Variants in ADAMTS20 observed in about 807,000 individuals in gnomAD.
The protein encoded by ADAMTS20 is ADAM metallopeptidase with thrombospondin type 1 motif 20.
ADAMTS20 carries 225 observed loss-of-function variants against 260.1 expected under a neutral mutation model. That is an observed-to-expected ratio of 0.87 (90% confidence interval 0.78 to 0.97). The LOEUF is 0.97. Ranked by LOEUF, ADAMTS20 falls within the 50% of genes least tolerant of loss-of-function variation. ADAMTS20 has a pLI of 0.00. For synonymous variants in ADAMTS20, 802 were observed against 769.5 expected, an observed-to-expected ratio of 1.04 and a Z score of -0.70; for missense variants, 2,400 against 2,337.7, an observed-to-expected ratio of 1.03 and a Z score of -0.55.
intron 9 of ADAMTS20, 148 bp from the exon 10 acceptor site, chr12:43,464,880 G>A: frequency 1.2e-6 from 1 of 805,892 alleles, no homozygotes; most frequent in South Asian, 2.3e-5. Flanking sequence ...ATCAATATCA[G>A]TATAGCAATG....
In ADAMTS20 at chr12:43,551,078, G is replaced by GC; in HGVS notation, c.283dup (p.Ala95GlyfsTer62). The GC allele has an allele frequency of 6.2e-7, 1 of 1,613,890 alleles. No homozygotes were observed. The highest frequency in any genetic ancestry group is 8.5e-7 in the Non-Finnish European group (1 of 1,179,860). ...GCCGGCGGCCAGAAAGGATGCATCGGCGGTCAGGTTCAGCTGGAAGAGCTG... is the reference window on the plus strand; with the variant it reads ...GCCGGCGGCCAGAAAGGATGCATCGGCCGGTCAGGTTCAGCTGGAAGAGCTG... On this transcript the variant is annotated frameshift_variant, in exon 2 of 39. Transcript: ENST00000389420. LOFTEE classifies it high-confidence loss of function. This position sits in a 1 kb window ranked among gnomAD's most constrained non-coding sequence, Gnocchi z 4.6.
intron 2 of ADAMTS20, among the ~76,000 whole-genome samples, chr12:43,548,690 A>G (rs143999089): frequency 5.9e-5 from 9 of 152,268 alleles, no homozygotes; most frequent in Non-Finnish European, 1.2e-4. Flanking sequence ...AGTAATTTAG[A>G]CTTACAATTG....
At chr12:43,395,602 G>A (rs1006182155) in intron 29 of ADAMTS20, among the ~76,000 whole-genome samples, 1 of 151,092 alleles carries the variant, frequency 6.6e-6, no homozygotes, top group African/African-American at 2.4e-5. Flanking sequence ...AGAAAATGAT[G>A]GGTCTCAAAG....
chr12:43,469,255 A>G (rs10880504), intron 7 of ADAMTS20, among the ~76,000 whole-genome samples: 30,818 of 152,072 alleles, frequency 0.2, 3,459 homozygotes, highest in Middle Eastern at 0.31. Flanking sequence ...AGTTTATAAT[A>G]TAAGAATTAC....
intron 38 of ADAMTS20, among the ~76,000 whole-genome samples, chr12:43,355,356 G>T (rs1388690768): frequency 6.6e-6 from 1 of 152,144 alleles, no homozygotes; most frequent in Non-Finnish European, 1.5e-5. Flanking sequence ...TTACCAGTCA[G>T]TTTCACACCA....
chr12:43,405,238 A>C (rs1432363675), intron 28 of ADAMTS20, among the ~76,000 whole-genome samples: 1 of 124,284 alleles, frequency 8.0e-6, no homozygotes, highest in African/African-American at 2.9e-5. Flanking sequence ...ACAAAAAAAA[A>C]AAAAAAAAAA....
rs1177283960 is a variant in ADAMTS20, at chr12:43,440,004, C to CT, written c.2355dup (p.Glu786ArgfsTer12). The CT allele has an allele frequency of 1.3e-6, 2 of 1,580,208 alleles. No individual in the cohort carries two copies. Among genetic ancestry groups the CT allele is most frequent in the Non-Finnish European group, 1.7e-6 (2 of 1,161,290 alleles). On this transcript the variant is annotated frameshift_variant, in exon 17 of 39. Transcript: ENST00000389420. LOFTEE classifies it high-confidence loss of function. The stretch of plus-strand genomic sequence containing the variant: ...GTTCTTGTTCCTTGCACATTGATTT[C>CT]TTTTTTTGACGTACTTAGAAGAAAA...
intron 28 of ADAMTS20, among the ~76,000 whole-genome samples, chr12:43,410,635 G>A (rs1450586143): frequency 6.6e-6 from 1 of 152,198 alleles, no homozygotes; most frequent in Non-Finnish European, 1.5e-5. Context: ...AGCTGAATAA[G>A]CCTATTATTT....
intron 3 of ADAMTS20, among the ~76,000 whole-genome samples, chr12:43,526,304 A>C (rs1382669738): frequency 6.6e-6 from 1 of 152,102 alleles, no homozygotes; most frequent in Non-Finnish European, 1.5e-5. Flanking sequence ...AAATACAAAA[A>C]GAAATTAGCC....
chr12:43,394,272 A>G (rs958627352), intron 29 of ADAMTS20, among the ~76,000 whole-genome samples: 2 of 152,140 alleles, frequency 1.3e-5, no homozygotes, highest in Non-Finnish European at 2.9e-5. Context: ...AACACTAGAC[A>G]ACTGACAGCA....
chr12:43,427,314 C>T lies in ADAMTS20; in HGVS notation c.4101G>A (p.Trp1367Ter). 1 of 1,610,722 alleles carries T rather than the reference C, an allele frequency of 6.2e-7. No individual in the cohort carries two copies. The highest frequency in any genetic ancestry group is 1.7e-5 in the Admixed American group (1 of 59,086). Residue 1367 changes from tryptophan to a stop codon, truncating the protein, a stop_gained, in exon 27 of 39, where the codon TGG (tryptophan) becomes TGA (stop). Transcript: ENST00000389420. LOFTEE classifies it high-confidence loss of function. Reference protein sequence around the residue: ...GPCPQWNYGNWGECSQTCGGG... With the variant: ...GPCPQWNYGN ...AGAAAATATTATGACTTACTTCTCC[C>T]CAATTTCCGTAGTTCCACTGTGGAC...
chr12:43,535,306 C>T (rs115667763), intron 2 of ADAMTS20, among the ~76,000 whole-genome samples: 1 of 152,042 alleles, frequency 6.6e-6, no homozygotes, highest in African/African-American at 2.4e-5. Context: ...CTATTATTTC[C>T]TACCTTTGCA....
In ADAMTS20 at chr12:43,432,300, G is replaced by A. The variant is rs1186367779; in HGVS notation, c.3096+4C>T. ...TAGTTCCAAGCATCATGTGTTTAAT[G>A]TACCTCGCTCCATTCACTAGCAGCC... is the stretch of plus-strand genomic sequence containing the variant. On this transcript the variant is annotated splice_donor_region_variant and intron_variant, in intron 21 of 38. Transcript: ENST00000389420. 2 of 1,612,396 alleles carry A rather than the reference G, an allele frequency of 1.2e-6. No individual in the cohort carries two copies. The highest frequency in any genetic ancestry group is 1.7e-6 in the Non-Finnish European group (2 of 1,179,106).
At chr12:43,362,700 A>G (rs1351895285) in intron 37 of ADAMTS20, among the ~76,000 whole-genome samples, 1 of 152,114 alleles carries the variant, frequency 6.6e-6, no homozygotes, top group African/African-American at 2.4e-5. Context: ...CTTCTTCAAG[A>G]AGACATTTAT....
intron 3 of ADAMTS20, among the ~76,000 whole-genome samples, chr12:43,528,347 G>GAAAAAAAAAAAAAAAAAAA (rs1565583137): frequency 3.9e-3 from 9 of 2,308 alleles, no homozygotes; most frequent in Admixed American, 7.5e-3. Flanking sequence ...GCAATCCTAA[G>GAAAAAAAAAAAAAAAAAAA]CAAAAAAAAA....
chr12:43,376,816 C>T (rs1381628160), intron 32 of ADAMTS20, among the ~76,000 whole-genome samples, 163 bp from the exon 33 acceptor site: 1 of 152,108 alleles, frequency 6.6e-6, no homozygotes, highest in Non-Finnish European at 1.5e-5. Context: ...GGATAGTCGC[C>T]GGTGGGAAAA....
Position 43,532,100 on chromosome 12 carries a change from A to G in ADAMTS20, c.549T>C (p.His183=). 6.2e-7 allele frequency: 1 copy of G among 1,612,646 alleles called. No homozygotes were observed. Residue 183 remains histidine (H), a synonymous_variant, in exon 3 of 39, where the codon CAT becomes CAC. Transcript: ENST00000389420. The stretch of plus-strand genomic sequence containing the variant: ...TATTTAAGTCTTGTCTGTATATAAG[A>G]TGTGGCTTGTTGTGACCATCTTCAT... ...NEYEDGHNKP[H]LIYRQDLNNS... is the part of the protein sequence containing the mutation.
intron 3 of ADAMTS20, among the ~76,000 whole-genome samples, chr12:43,530,707 A>G (rs1943209153): frequency 6.6e-6 from 1 of 152,114 alleles, no homozygotes; most frequent in Middle Eastern, 3.2e-3. Context: ...ATATCGTTGC[A>G]TGTCATTCTA....
At chr12:43,530,810 T>C (rs964461131) in intron 3 of ADAMTS20, among the ~76,000 whole-genome samples, 1 of 152,086 alleles carries the variant, frequency 6.6e-6, no homozygotes, top group Non-Finnish European at 1.5e-5. Context: ...GCCACAGATA[T>C]ACTCTTTGTA....
Sources: allele counts gnomAD v4.1 joint callset (sites outside exome capture counted in the v4.1 genomes callset), GRCh38; gene constraint gnomAD v4.1.1; non-coding constraint Gnocchi (gnomAD v3.1); transcripts MANE v1.5; gene names NCBI Gene and HGNC (gene_info 2026-07-23, HGNC 2026-07-21).